PUS7: variants seen among roughly 807,000 people sequenced by gnomAD.
PUS7 encodes the protein pseudouridylate synthase 7 homolog.
In PUS7, 48 loss-of-function variants were observed where a neutral mutation model predicts 79.8. The observed-to-expected ratio is 0.60, with a 90% CI of 0.48 to 0.76. PUS7 has a LOEUF of 0.76. Among genes scored for constraint, PUS7 ranks in the 30% least tolerant of loss-of-function variants. PUS7 has a pLI of 0.00. For missense variants in PUS7, 729 were observed against 797.6 expected (o/e 0.91, Z 1.04); for synonymous variants, 286 against 272.2 (o/e 1.05, Z -0.50).
intron 14 of PUS7, among the ~76,000 whole-genome samples, chr7:105,459,717 G>A (rs1037556223): frequency 6.6e-6 from 1 of 151,842 alleles, no homozygotes; most frequent in South Asian, 2.1e-4. Context: ...GGATTATAAC[G>A]TGAGCCACTG....
At chr7:105,496,212 T>TAGAGAGAG (rs1562808917) in intron 5 of PUS7, among the ~76,000 whole-genome samples, 2 of 71,180 alleles carry the variant, frequency 2.8e-5, no homozygotes, top group Non-Finnish European at 5.3e-5. Context: ...TATATATATA[T>TAGAGAGAG]ATATATATAT....
intron 5 of PUS7, among the ~76,000 whole-genome samples, chr7:105,498,053 C>T (rs1175940252): frequency 6.6e-6 from 1 of 152,124 alleles, no homozygotes; most frequent in African/African-American, 2.4e-5. Flanking sequence ...GCTGCTATAC[C>T]TTAAGAGAAA....
intron 4 of PUS7, among the ~76,000 whole-genome samples, chr7:105,504,193 C>T (rs1825366872): frequency 7.1e-6 from 1 of 140,884 alleles, no homozygotes; most frequent in Non-Finnish European, 1.6e-5. Flanking sequence ...CCTCAGCCTC[C>T]TGAGTAGCTG....
At chr7:105,481,977 G>A (rs944274894) in intron 8 of PUS7, among the ~76,000 whole-genome samples, 2 of 152,162 alleles carry the variant, frequency 1.3e-5, no homozygotes, top group Non-Finnish European at 2.9e-5. Flanking sequence ...TGATCCACCT[G>A]CCAAGGCCTC....
chr7:105,495,014 C>CTA, intron 6 of PUS7, 128 bp downstream of exon 6: 1 of 389,118 alleles, frequency 2.6e-6, no homozygotes, highest in Non-Finnish European at 4.8e-6. Context: ...AGAAAGAAAA[C>CTA]TATCATTGGG....
Position 105,508,140 on chromosome 7 carries a change from C to A in PUS7, c.373G>T (p.Gly125Trp), listed in dbSNP as rs1262994809. 5 of 1,613,938 alleles carry A rather than the reference C, an allele frequency of 3.1e-6. No homozygotes were observed. The highest frequency in any genetic ancestry group is 4.2e-6 in the Non-Finnish European group (5 of 1,179,890). ...GITKFVSSHQGFSGILKERYS... is the reference protein window; with the variant it reads ...GITKFVSSHQWFSGILKERYS... ...CTTTCTTTTAAGATTCCCGAGAACC[C>A]TTGATGAGAACTCACAAACTTGGTG... Residue 125 changes from glycine (G) to tryptophan (W), a missense_variant, in exon 2 of 16, where the codon GGG becomes TGG. By Grantham distance (184) the Gly-to-Trp change is radical. Transcript: ENST00000469408.
chr7:105,465,522 C>A, intron 12 of PUS7, 108 bp from the exon 13 acceptor site: 2 of 827,340 alleles, frequency 2.4e-6, no homozygotes, highest in South Asian at 1.7e-5. Flanking sequence ...CAAGTTGGTA[C>A]AGGTTCAGTG....
At chr7:105,483,136 T>C (rs1824395580) in intron 7 of PUS7, among the ~76,000 whole-genome samples, 1 of 151,994 alleles carries the variant, frequency 6.6e-6, no homozygotes, top group Non-Finnish European at 1.5e-5. Context: ...CCTTTTTATC[T>C]CTAGTGTCAC....
In PUS7 at chr7:105,505,991, C is replaced by T; in HGVS notation, c.549G>A (p.Gln183=). 6.2e-7 allele frequency: 1 copy of T among 1,613,838 alleles called. No individual in the cohort carries two copies. The highest frequency in any genetic ancestry group is 8.5e-7 in the Non-Finnish European group (1 of 1,179,876). The change falls in exon 4 of 16, where the codon CAG becomes CAA. Residue 183 remains glutamine, a synonymous_variant. Transcript: ENST00000469408. ...AEEKQRLEEL[Q]LFKNKETSVA... ...CACTGGTTTCCTTATTTTTGAACAG[C>T]TGGAGCTCTTCCAATCGCTGCTTTT...
intron 9 of PUS7, among the ~76,000 whole-genome samples, chr7:105,474,178 T>C (rs991986660): frequency 1.3e-5 from 2 of 152,198 alleles, no homozygotes; most frequent in African/African-American, 4.8e-5. Context: ...CACATTTAAG[T>C]TACACAATAC....
intron 14 of PUS7, 125 bp downstream of exon 14, chr7:105,462,496 C>T: frequency 9.8e-7 from 1 of 1,016,010 alleles, no homozygotes; most frequent in Admixed American, 2.5e-5. Context: ...ATGATACCAC[C>T]ATCATATAAG....
chr7:105,513,046 G>A (rs1825759492), intron 1 of PUS7, among the ~76,000 whole-genome samples: 1 of 152,152 alleles, frequency 6.6e-6, no homozygotes, highest in South Asian at 2.1e-4. Flanking sequence ...AGCAGGTGTT[G>A]GAAGAAGATG....
intron 9 of PUS7, among the ~76,000 whole-genome samples, chr7:105,474,471 T>TA (rs925197582): frequency 2.0e-5 from 3 of 152,106 alleles, no homozygotes; most frequent in South Asian, 4.2e-4. Flanking sequence ...ATTTTTACAC[T>TA]AAAAAACCTT....
intron 5 of PUS7, among the ~76,000 whole-genome samples, chr7:105,497,145 T>G (rs1463620355): frequency 2.0e-5 from 3 of 152,256 alleles, no homozygotes; most frequent in African/African-American, 7.2e-5. Context: ...AACAATGGAA[T>G]GTTTTAGAGG....
chr7:105,496,224 T>TAGAGAG lies in PUS7; in HGVS notation c.731-972_731-971insCTCTCT, dbSNP rs1562809031. On this transcript the variant is annotated intron_variant, in intron 5 of 15. Coordinates refer to ENST00000469408, the MANE Select transcript of PUS7 (RefSeq NM_019042.5). ...ATATATATATATATATATATATATATATAGAGAGAGAGAGAGAGAGAGAGA... is the reference window on the plus strand; with the variant it reads ...ATATATATATATATATATATATATATAGAGAGATAGAGAGAGAGAGAGAGAGAGAGA... Among the ~76,000 whole-genome samples the TAGAGAG allele has an allele frequency of 4.8e-3, 407 of 83,954 alleles. 1 individual carries two copies. Among genetic ancestry groups the TAGAGAG allele is most frequent in the Admixed American group, 0.014 (73 of 5,308 alleles). The allele number at this position is 83,954 out of a possible 152,430, so 55.1% of individuals were successfully genotyped here.
intron 1 of PUS7, among the ~76,000 whole-genome samples, chr7:105,516,215 G>A (rs1825888027): frequency 6.6e-6 from 1 of 152,110 alleles, no homozygotes; most frequent in Non-Finnish European, 1.5e-5. Flanking sequence ...AAAGTGCTGG[G>A]ATTACAGGCA....
chr7:105,496,214 TATATATATATATAGAGAGAG>T (rs1825016428), intron 5 of PUS7, among the ~76,000 whole-genome samples: 14 of 71,770 alleles, frequency 2.0e-4, no homozygotes, highest in African/African-American at 8.1e-4. Context: ...TATATATATA[TATATATATATATAGAGAGAG>T]AGAGAGAGAG....
At chr7:105,504,997 A>C (rs118016887) in intron 4 of PUS7, among the ~76,000 whole-genome samples, 4,171 of 147,292 alleles carry the variant, frequency 0.028, 69 homozygotes, top group South Asian at 0.074. Flanking sequence ...AAATTAATTT[A>C]ACATAATTTT....
chr7:105,492,663 G>A (rs1232354903), intron 6 of PUS7, among the ~76,000 whole-genome samples: 14 of 151,460 alleles, frequency 9.2e-5, no homozygotes, highest in African/African-American at 3.1e-4. Flanking sequence ...CCGCCACTAC[G>A]CCCGGCTAAT....
Sources: gnomAD v4.1 joint callset for allele counts (sites outside exome capture counted in the v4.1 genomes callset) on GRCh38, gnomAD v4.1.1 for gene constraint, MANE v1.5 for transcripts, NCBI Gene and HGNC (gene_info 2026-07-23, HGNC 2026-07-21) for gene names.